The following SPATA16 variants were observed in gnomAD, a reference collection of about 807,000 sequenced individuals.
SPATA16 encodes the protein spermatogenesis associated 16.
Under a neutral mutation model 63.3 loss-of-function variants are expected in SPATA16, and 36 were observed. The observed-to-expected ratio is 0.57, with a 90% CI of 0.44 to 0.75. The LOEUF (loss-of-function observed/expected upper bound fraction) is 0.75, where lower values mean the gene tolerates loss of function less well. Ranked by LOEUF, SPATA16 falls within the 30% of genes least tolerant of loss-of-function variation. The pLI is 0.00. For missense variants in SPATA16, 646 were observed against 679.3 expected, an observed-to-expected ratio of 0.95 and a Z score of 0.54; for synonymous variants, 203 against 216.7, an observed-to-expected ratio of 0.94 and a Z score of 0.56.
chr3:172,997,671 A>G (rs1734722345), intron 4 of SPATA16, among the ~76,000 whole-genome samples: 2 of 152,242 alleles, frequency 1.3e-5, no homozygotes, highest in South Asian at 4.1e-4. Context: ...GTATCTAAAA[A>G]GTCATTATTA....
At chr3:173,119,851 G>T (rs986924650) in intron 1 of SPATA16, among the ~76,000 whole-genome samples, 5 of 152,164 alleles carry the variant, frequency 3.3e-5, no homozygotes, top group African/African-American at 1.2e-4. Flanking sequence ...CCTTTGGGAG[G>T]CCAAGGCAGG....
At chr3:172,928,413 G>A (rs1054549713) in intron 6 of SPATA16, among the ~76,000 whole-genome samples, 1 of 152,172 alleles carries the variant, frequency 6.6e-6, no homozygotes, top group African/African-American at 2.4e-5. Context: ...ATATTAGCAA[G>A]GGGAGAGCTT....
chr3:172,955,893 A>G (rs1166770319), intron 6 of SPATA16, among the ~76,000 whole-genome samples: 3 of 152,126 alleles, frequency 2.0e-5, no homozygotes, highest in Non-Finnish European at 4.4e-5. Flanking sequence ...GCACCTTAAT[A>G]GTGATCAATA....
intron 6 of SPATA16, among the ~76,000 whole-genome samples, chr3:172,936,747 G>A (rs1418708212): frequency 6.6e-6 from 1 of 151,846 alleles, no homozygotes; most frequent in Admixed American, 6.6e-5. Flanking sequence ...TTGCTCTGTC[G>A]ACCAGACTGG....
At chr3:172,929,914 T>C (rs1342212841) in intron 6 of SPATA16, among the ~76,000 whole-genome samples, 1 of 152,246 alleles carries the variant, frequency 6.6e-6, no homozygotes, top group Non-Finnish European at 1.5e-5. Flanking sequence ...CAGCCTATTA[T>C]GAGGAAAGCC....
chr3:172,891,087 G>A (rs1731886325), intron 10 of SPATA16, among the ~76,000 whole-genome samples: 1 of 150,590 alleles, frequency 6.6e-6, no homozygotes, highest in African/African-American at 2.4e-5. Context: ...AAATATAATG[G>A]ATGGCAGCTT....
At chr3:173,133,944 C>T (rs1359489132) in intron 1 of SPATA16, among the ~76,000 whole-genome samples, 2 of 152,000 alleles carry the variant, frequency 1.3e-5, no homozygotes, top group Non-Finnish European at 2.9e-5. Flanking sequence ...CAAAATTAAC[C>T]ATAGCTCACT....
chr3:173,027,277 A>G (rs917327036), intron 3 of SPATA16, among the ~76,000 whole-genome samples: 13 of 151,970 alleles, frequency 8.6e-5, no homozygotes, highest in Admixed American at 2.6e-4. Context: ...GCTACATCAT[A>G]CTACTAAGCT....
chr3:173,105,330 G>C (rs1054989629), intron 2 of SPATA16, among the ~76,000 whole-genome samples: 4 of 152,086 alleles, frequency 2.6e-5, no homozygotes, highest in African/African-American at 9.7e-5. Flanking sequence ...TTCCTGGTTG[G>C]GTTGCAGTGA....
intron 5 of SPATA16, among the ~76,000 whole-genome samples, chr3:172,971,662 A>T (rs1441005610): frequency 6.6e-6 from 1 of 152,192 alleles, no homozygotes; most frequent in East Asian, 1.9e-4. Flanking sequence ...TTGAATGAGT[A>T]TGAATGACAA....
intron 2 of SPATA16, among the ~76,000 whole-genome samples, chr3:173,107,319 G>A (rs1737642933): frequency 6.6e-6 from 1 of 152,018 alleles, no homozygotes; most frequent in African/African-American, 2.4e-5. Context: ...CACTCTAGAA[G>A]ATATTTATTT....
chr3:173,062,089 G>A (rs1242844381), intron 2 of SPATA16, among the ~76,000 whole-genome samples: 1 of 142,164 alleles, frequency 7.0e-6, no homozygotes, highest in East Asian at 2.0e-4. Flanking sequence ...TTAAAATAGA[G>A]GTGTGGCCAC....
At chr3:173,108,702 A>G (rs1354500525) in intron 2 of SPATA16, among the ~76,000 whole-genome samples, 2 of 152,198 alleles carry the variant, frequency 1.3e-5, no homozygotes, top group African/African-American at 4.8e-5. Flanking sequence ...TAGTCCCATC[A>G]GATTATAATG....
chr3:172,911,516 C>T (rs552599925), intron 10 of SPATA16, among the ~76,000 whole-genome samples: 1 of 152,278 alleles, frequency 6.6e-6, no homozygotes, highest in African/African-American at 2.4e-5. Context: ...CTTCAGTTAC[C>T]TAATTAACAA....
chr3:173,117,253 G>T lies in SPATA16; in HGVS notation c.479C>A (p.Pro160His). 6.2e-7 allele frequency: 1 copy of T among 1,614,130 alleles called. No homozygotes were observed. Among genetic ancestry groups the T allele is most frequent in the South Asian group, 1.1e-5 (1 of 91,076 alleles). Residue 160 changes from proline (P) to histidine (H), a missense_variant, in exon 2 of 11, where the codon CCT becomes CAT. Transcript: ENST00000351008. ...PTCQAAEIVD[P>H]LSVHNFSFLP... Reference sequence around the variant, plus strand: ...AAAGCTGAAATTATGTACACTCAAAGGGTCTACTATTTCAGCAGCTTGGCA... The same window carrying T: ...AAAGCTGAAATTATGTACACTCAAATGGTCTACTATTTCAGCAGCTTGGCA...
chr3:173,034,533 C>A (rs1735673098), intron 3 of SPATA16, among the ~76,000 whole-genome samples: 1 of 152,060 alleles, frequency 6.6e-6, no homozygotes, highest in African/African-American at 2.4e-5. Context: ...CCTACTTAAG[C>A]CCTTTGTGGC....
At chr3:172,908,024 G>A (rs968051349) in intron 10 of SPATA16, among the ~76,000 whole-genome samples, 2 of 152,158 alleles carry the variant, frequency 1.3e-5, no homozygotes, top group African/African-American at 4.8e-5. Context: ...AACATATCCT[G>A]TATTTCTTTA....
chr3:173,094,789 G>A (rs1032851296), intron 2 of SPATA16, among the ~76,000 whole-genome samples: 7 of 151,588 alleles, frequency 4.6e-5, no homozygotes, highest in Admixed American at 3.3e-4. Flanking sequence ...GTGATGGGCA[G>A]GCCGTAGGGC....
chr3:172,917,687 A>G (rs1732525871), intron 8 of SPATA16, among the ~76,000 whole-genome samples: 1 of 152,212 alleles, frequency 6.6e-6, no homozygotes, highest in African/African-American at 2.4e-5. Flanking sequence ...GTATCTGAGT[A>G]AAGACTATTT....
Sources: allele counts gnomAD v4.1 joint callset (sites outside exome capture counted in the v4.1 genomes callset), GRCh38; gene constraint gnomAD v4.1.1; transcripts MANE v1.5; gene names NCBI Gene and HGNC (gene_info 2026-07-23, HGNC 2026-07-21).